The following MCM5 variants were observed in gnomAD, a reference collection of about 807,000 sequenced individuals.
The protein encoded by MCM5 is DNA replication licensing factor MCM5.
A neutral mutation model predicts 79.9 loss-of-function variants in MCM5; 46 were observed. That is an observed-to-expected ratio of 0.58 (90% CI 0.45 to 0.74). MCM5 has a LOEUF of 0.74. MCM5 is among the 30% of genes least tolerant of loss of function. The pLI is 0.00. For synonymous variants in MCM5, 404 were observed against 390.5 expected (o/e 1.03, Z -0.41); for missense variants, 883 against 1,017.0 (o/e 0.87, Z 1.79).
At chr22:35,449,570 TGTGGCCTCTCTGTCCCAGCC>T in the MCM5 span, among the ~76,000 whole-genome samples, 64,938 of 150,198 alleles carry the variant, frequency 0.43, 15,620 homozygotes, top group Middle Eastern at 0.57. Context: ...TTGTCCCAGC[TGTGGCCTCTCTGTCCCAGCC>T]GTGGCCCCTC....
chr22:35,446,262 G>T, the MCM5 span, among the ~76,000 whole-genome samples: 2 of 152,198 alleles, frequency 1.3e-5, no homozygotes, highest in African/African-American at 4.8e-5. Context: ...ATGTCAGGGT[G>T]TTGCGGGGAG....
At chr22:35,438,559 T>TCATCCATCCATCCATC in the MCM5 span, among the ~76,000 whole-genome samples, 20 of 82,906 alleles carry the variant, frequency 2.4e-4, no homozygotes, top group Non-Finnish European at 3.5e-4. Flanking sequence ...ACTCACATAT[T>TCATCCATCCATCCATC]CATCCATCCA....
the MCM5 span, among the ~76,000 whole-genome samples, chr22:35,433,919 C>T: frequency 6.6e-6 from 1 of 152,238 alleles, no homozygotes; most frequent in Admixed American, 6.5e-5. Flanking sequence ...GGCATCCCTT[C>T]CCGTGCTGCA....
chr22:35,446,604 A>G, the MCM5 span, among the ~76,000 whole-genome samples: 1 of 152,100 alleles, frequency 6.6e-6, no homozygotes, highest in Non-Finnish European at 1.5e-5. Context: ...AGTGAGCACT[A>G]CGGCATGTGG....
chr22:35,413,287 G>T (rs924671891), intron 8 of MCM5, among the ~76,000 whole-genome samples: 6 of 152,144 alleles, frequency 3.9e-5, no homozygotes, highest in East Asian at 1.9e-4. Flanking sequence ...CTCGTGATCC[G>T]CCCGCCTCGG....
Position 35,424,579 on chromosome 22 carries a change from C to G in MCM5, c.*324C>G, listed in dbSNP as rs1175093292. On this transcript the variant is annotated 3_prime_UTR_variant, in exon 17 of 17. Coordinates refer to ENST00000216122, the MANE Select transcript of MCM5 (RefSeq NM_006739.4). ...CAGGGTAAGTGTGAGGGAACAGGGT[C>G]TGGAGGCAGACTGGCCAGGGTTTCT... is the stretch of plus-strand genomic sequence containing the variant. 4.3e-6 allele frequency: 1 copy of G among 231,158 alleles called. No homozygotes were observed. Among genetic ancestry groups the G allele is most frequent in the African/African-American group, 2.3e-5 (1 of 44,254 alleles). The allele number at this position is 231,158 out of a possible 1,614,324, so 14.3% of individuals were successfully genotyped here.
At chr22:35,422,197 CAGT>C (rs4645818) in intron 15 of MCM5, 6,741 of 154,526 alleles carry the variant, frequency 0.044, 469 homozygotes, top group African/African-American at 0.15. Flanking sequence ...GAGAGATAGA[CAGT>C]AGAGAAACAA....
chr22:35,410,695 C>T (rs1241013514), intron 6 of MCM5, 49 bp from the exon 7 acceptor site: 10 of 1,556,750 alleles, frequency 6.4e-6, no homozygotes, highest in African/African-American at 1.4e-5. Context: ...GACTTGCTGT[C>T]CAAGTCAGAA....
chr22:35,406,206 A>G (rs2071735), intron 4 of MCM5, among the ~76,000 whole-genome samples: 85,349 of 150,834 alleles, frequency 0.57, 24,476 homozygotes, highest in Middle Eastern at 0.61. Flanking sequence ...TACAGGTCCA[A>G]GGATGTCGCC....
the MCM5 span, among the ~76,000 whole-genome samples, chr22:35,436,717 G>C: frequency 6.6e-6 from 1 of 152,192 alleles, no homozygotes; most frequent in Non-Finnish European, 1.5e-5. Context: ...CATTGGGGCA[G>C]GGCCACAGGC....
chr22:35,438,971 TCATC>T, the MCM5 span, among the ~76,000 whole-genome samples: 12 of 126,834 alleles, frequency 9.5e-5, no homozygotes, highest in South Asian at 3.3e-3. Flanking sequence ...ACCCACATAT[TCATC>T]CATCCATCTA....
chr22:35,400,504 C>T lies in MCM5; in HGVS notation c.66C>T (p.Asp22=), dbSNP rs1164779153. 3 of 1,614,088 alleles carry T rather than the reference C, an allele frequency of 1.9e-6. No homozygotes were observed. The highest frequency in any genetic ancestry group is 2.5e-6 in the Non-Finnish European group (3 of 1,179,978). ...SDSFGGDAQA[D]EGQARKSQLQ... ...GCTTCGGGGGCGACGCCCAGGCCGACGAGGGGCAGGCCCGCAAATCGCAGC... is the reference window on the plus strand; with the variant it reads ...GCTTCGGGGGCGACGCCCAGGCCGATGAGGGGCAGGCCCGCAAATCGCAGC... The change falls in exon 2 of 17, where the codon GAC becomes GAT. Residue 22 remains aspartate (D), a synonymous_variant. Coordinates refer to ENST00000216122, the MANE Select transcript of MCM5 (RefSeq NM_006739.4).
At chr22:35,451,710 C>G in the MCM5 span, among the ~76,000 whole-genome samples, 1 of 152,260 alleles carries the variant, frequency 6.6e-6, no homozygotes, top group African/African-American at 2.4e-5. Context: ...GACATGGGCC[C>G]TCAGCATATG....
At chr22:35,445,980 G>A in the MCM5 span, among the ~76,000 whole-genome samples, 28 of 152,336 alleles carry the variant, frequency 1.8e-4, no homozygotes, top group African/African-American at 6.3e-4. Context: ...CACTGCATCT[G>A]GTTTATCTCC....
chr22:35,402,948 G>C (rs1448809447), intron 2 of MCM5, among the ~76,000 whole-genome samples: 1 of 152,250 alleles, frequency 6.6e-6, no homozygotes, highest in Admixed American at 6.5e-5. Flanking sequence ...GCTGGCCTGG[G>C]TGTTGAAACA....
the MCM5 span, among the ~76,000 whole-genome samples, chr22:35,439,390 TCCACCCAC>T: frequency 9.2e-5 from 8 of 86,850 alleles, no homozygotes; most frequent in Admixed American, 5.1e-4. Flanking sequence ...TATCCATACA[TCCACCCAC>T]CCACCCACCC....
At chr22:35,419,018 G>A (rs1024386378) in intron 13 of MCM5, among the ~76,000 whole-genome samples, 2 of 152,196 alleles carry the variant, frequency 1.3e-5, no homozygotes, top group African/African-American at 4.8e-5. Context: ...AAACCCAGGG[G>A]TTGAGGGCTC....
intron 12 of MCM5, 83 bp from the exon 13 acceptor site, chr22:35,417,661 T>A: frequency 1.0e-6 from 1 of 953,064 alleles, no homozygotes; most frequent in Non-Finnish European, 1.7e-6. Flanking sequence ...CCCCATCAGC[T>A]CTTTCTGGCT....
chr22:35,452,197 C>T, the MCM5 span, among the ~76,000 whole-genome samples: 1 of 152,218 alleles, frequency 6.6e-6, no homozygotes, highest in African/African-American at 2.4e-5. Flanking sequence ...CTCCCTGGTC[C>T]TCCAACAGCC....
Sources: gnomAD v4.1 joint callset for allele counts (sites outside exome capture counted in the v4.1 genomes callset) on GRCh38, gnomAD v4.1.1 for gene constraint, MANE v1.5 for transcripts, NCBI Gene and HGNC (gene_info 2026-07-23, HGNC 2026-07-21) for gene names.